OTUD4: variants seen among roughly 807,000 people sequenced by gnomAD.
The protein encoded by OTUD4 is OTU deubiquitinase 4, also known as OTU domain-containing protein 4.
A neutral mutation model predicts 130.4 loss-of-function variants in OTUD4; 24 were observed. The observed-to-expected ratio is 0.18, with a 90% CI of 0.13 to 0.26. OTUD4 has a LOEUF of 0.26. Among genes scored for constraint, OTUD4 ranks in the 10% least tolerant of loss-of-function variants. The pLI, the probability that OTUD4 is intolerant of heterozygous loss-of-function variation, is 1.00. For synonymous variants in OTUD4, 420 were observed against 472.5 expected, an observed-to-expected ratio of 0.89 and a Z score of 1.44; for missense variants, 1,031 against 1,329.4, an observed-to-expected ratio of 0.78 and a Z score of 3.49.
chr4:145,176,408 G>A lies in OTUD4; in HGVS notation c.160-1664C>T, dbSNP rs528271866. Among the ~76,000 whole-genome samples, 7 of 151,694 alleles carry A rather than the reference G, an allele frequency of 4.6e-5. No individual in the cohort carries two copies. In the East Asian group the frequency reaches 5.9e-4, roughly 13 times the overall value. ...TCTTTAAAAGTTACAGATCCTGGCC[G>A]GGCACTGTGGCTCACGCCTGTAATC... On this transcript the variant is annotated intron_variant, in intron 1 of 20. Transcript: ENST00000447906.
At position 145,133,828 on chromosome 4, in the gene OTUD4, TAAAG is replaced by T. The variant is rs1750116143; in HGVS notation, c.*3598_*3601del. ...TCAACACTTACAAAAAGTGATATGATAAAGAATATAAAGTACTAGTTTCCTTTTA... is the reference window on the plus strand; with the variant it reads ...TCAACACTTACAAAAAGTGATATGATAATATAAAGTACTAGTTTCCTTTTA... On this transcript the variant is annotated 3_prime_UTR_variant, in exon 21 of 21. Coordinates refer to ENST00000447906, the MANE Select transcript of OTUD4 (RefSeq NM_001366057.1). 6.6e-6 allele frequency: 1 copy of T among 152,642 alleles called. No individual in the cohort carries two copies. The highest frequency in any genetic ancestry group is 2.1e-4 in the South Asian group (1 of 4,834). The allele number at this position is 152,642 out of a possible 1,614,324, so 9.5% of individuals were successfully genotyped here. A position where few individuals can be genotyped will look rare whatever the true frequency, so the allele number is the denominator to read the frequency against.
At chr4:145,143,223 C>G (rs1432951231) in intron 17 of OTUD4, 142 bp downstream of exon 17, 2 of 518,554 alleles carry the variant, frequency 3.9e-6, no homozygotes, top group Non-Finnish European at 6.8e-6. Flanking sequence ...ATTTAAAAAT[C>G]ATAACCACAG....
chr4:145,153,396 T>C (rs1182404994), intron 10 of OTUD4, among the ~76,000 whole-genome samples: 1 of 152,166 alleles, frequency 6.6e-6, no homozygotes, highest in South Asian at 2.1e-4. Flanking sequence ...TTCCTCATAA[T>C]GCAAAATGGA....
intron 4 of OTUD4, 63 bp downstream of exon 4, chr4:145,165,088 T>C: frequency 3.4e-6 from 3 of 884,568 alleles, no homozygotes; most frequent in Non-Finnish European, 5.3e-6. Flanking sequence ...ACATTTTTAA[T>C]ATAATGGAAT....
intron 2 of OTUD4, among the ~76,000 whole-genome samples, chr4:145,172,751 A>C (rs930453446): frequency 2.6e-5 from 4 of 152,154 alleles, no homozygotes; most frequent in African/African-American, 9.7e-5. Flanking sequence ...TTAAATTTCG[A>C]AAGATATTTA....
At chr4:145,167,970 G>A (rs1751960640) in intron 3 of OTUD4, among the ~76,000 whole-genome samples, 1 of 151,874 alleles carries the variant, frequency 6.6e-6, no homozygotes, top group Non-Finnish European at 1.5e-5. Context: ...GTCTGGTTAG[G>A]TAAACAATGG....
At chr4:145,165,287 G>A (rs1751792088) in intron 3 of OTUD4, 90 bp from the exon 4 acceptor site, 12 of 762,480 alleles carry the variant, frequency 1.6e-5, no homozygotes, top group South Asian at 3.4e-5. Context: ...TACAGCATAC[G>A]TAATGAGTTC....
At chr4:145,139,380 ACCTAACAT>A (rs1271756938) in intron 20 of OTUD4, among the ~76,000 whole-genome samples, 1 of 152,166 alleles carries the variant, frequency 6.6e-6, no homozygotes, top group Non-Finnish European at 1.5e-5. Context: ...TCAGGAGAAA[ACCTAACAT>A]TTAACAAGGA....
chr4:145,179,985 T>G lies in OTUD4; in HGVS notation c.-12A>C. On this transcript the variant is annotated 5_prime_UTR_variant, in exon 1 of 21. Coordinates refer to ENST00000447906, the MANE Select transcript of OTUD4 (RefSeq NM_001366057.1). ...ACGGCAGCCTCCATGTTGCTGGTCC[T>G]GCTGCAGGCCAGGCGCGGCGAGGGC... 1.3e-6 allele frequency: 2 copies of G among 1,498,154 alleles called. No homozygotes were observed. Among genetic ancestry groups the G allele is most frequent in the Non-Finnish European group, 1.8e-6 (2 of 1,132,684 alleles). 92.8% of individuals were successfully genotyped at this position (1,498,154 alleles called of 1,614,324 possible).
At chr4:145,153,469 A>C (rs1322769561) in intron 10 of OTUD4, among the ~76,000 whole-genome samples, 1 of 152,240 alleles carries the variant, frequency 6.6e-6, no homozygotes, top group African/African-American at 2.4e-5. Context: ...CAGGATACAC[A>C]TAAAGAATAC....
At position 145,137,024 on chromosome 4, in the gene OTUD4, T is replaced by C. The variant is rs1220505648; in HGVS notation, c.*406A>G. On this transcript the variant is annotated 3_prime_UTR_variant, in exon 21 of 21. Transcript: ENST00000447906. ...TGTTTGGAATCTATAGTGTGTCAAA[T>C]GGTATATTTTCTTGTCACTTTAGTA... 7 of 158,112 alleles carry C rather than the reference T, an allele frequency of 4.4e-5. No homozygotes were observed. Among genetic ancestry groups the C allele is most frequent in the Non-Finnish European group, 7.0e-5 (5 of 71,840 alleles). 9.8% of individuals were successfully genotyped at this position (158,112 alleles called of 1,614,324 possible).
chr4:145,154,476 T>A (rs577392587), intron 10 of OTUD4, among the ~76,000 whole-genome samples: 80 of 152,336 alleles, frequency 5.3e-4, no homozygotes, highest in African/African-American at 1.9e-3. Context: ...TTTAAAGTAG[T>A]TTTTTTAAAA....
intron 1 of OTUD4, among the ~76,000 whole-genome samples, chr4:145,176,400 T>C (rs1357062095): frequency 2.6e-5 from 4 of 151,304 alleles, no homozygotes; most frequent in Non-Finnish European, 4.4e-5. Flanking sequence ...AAGTTACAGA[T>C]CCTGGCCGGG....
In OTUD4 at chr4:145,155,653, G is replaced by A. The variant is rs765313252; in HGVS notation, c.724C>T (p.Pro242Ser). Residue 242 changes from proline to serine, a missense_variant, in exon 9 of 21, where the codon CCT becomes TCT. By Grantham distance (74) the Pro-to-Ser change is moderately conservative (BLOSUM62 -1). Around this residue, in one of 3 missense-constraint regions of OTUD4, gnomAD observed 900 missense variants for 1,095.9 expected, o/e 0.82. Coordinates refer to ENST00000447906, the MANE Select transcript of OTUD4 (RefSeq NM_001366057.1). ...LKNNGNSTSL[P>S]LSRKVLKSLN... ...GACTTAAGAACCTTTCTAGACAAAGGCAGGCTAGTAGAGTTCCCATTGTTC... is the reference window on the plus strand; with the variant it reads ...GACTTAAGAACCTTTCTAGACAAAGACAGGCTAGTAGAGTTCCCATTGTTC... 1.9e-6 allele frequency: 3 copies of A among 1,612,216 alleles called. No individual in the cohort carries two copies. In the South Asian group the frequency reaches 3.3e-5, roughly 18 times the overall value.
intron 4 of OTUD4, among the ~76,000 whole-genome samples, chr4:145,164,909 T>C (rs565098383): frequency 1.3e-5 from 2 of 152,134 alleles, no homozygotes; most frequent in Non-Finnish European, 2.9e-5. Flanking sequence ...ATAAGTGATA[T>C]CTTACAGAAC....
intron 18 of OTUD4, 137 bp from the exon 19 acceptor site, chr4:145,141,776 C>A (rs1313557522): frequency 1.5e-6 from 1 of 669,488 alleles, no homozygotes; most frequent in African/African-American, 1.8e-5. Flanking sequence ...AACCAAGAGC[C>A]CTCCTGGACA....
intron 14 of OTUD4, among the ~76,000 whole-genome samples, chr4:145,144,869 G>A (rs981584796): frequency 2.6e-5 from 4 of 152,160 alleles, no homozygotes; most frequent in East Asian, 3.9e-4. Context: ...TCTTATCACT[G>A]AAATGCTTAC....
In OTUD4 at chr4:145,164,230, A is replaced by G. The variant is rs748328581; in HGVS notation, c.342-4T>C. 54 of 1,221,914 alleles carry G rather than the reference A, an allele frequency of 4.4e-5. No homozygotes were observed. Among genetic ancestry groups the G allele is most frequent in the Middle Eastern group, 4.1e-4 (2 of 4,870 alleles). The allele number at this position is 1,221,914 out of a possible 1,614,324, so 75.7% of individuals were successfully genotyped here. The stretch of plus-strand genomic sequence containing the variant: ...CCGATAAATTATAAAATCTTTCCTG[A>G]AAATAACAATTAGAAATTATTTATA... On this transcript the variant is annotated splice_polypyrimidine_tract_variant and splice_region_variant and intron_variant, in intron 4 of 20. Coordinates refer to ENST00000447906, the MANE Select transcript of OTUD4 (RefSeq NM_001366057.1).
chr4:145,155,325 T>C, intron 10 of OTUD4, 86 bp downstream of exon 10: 4 of 1,000,028 alleles, frequency 4.0e-6, no homozygotes, highest in South Asian at 2.8e-5. Flanking sequence ...TAACAACACA[T>C]TCACACCTCA....
Sources: gnomAD v4.1 joint callset for allele counts (sites outside exome capture counted in the v4.1 genomes callset) on GRCh38, gnomAD v4.1.1 for gene constraint, gnomAD v4.1.1 regional missense constraint, MANE v1.5 for transcripts, NCBI Gene and HGNC (gene_info 2026-07-23, HGNC 2026-07-21) for gene names.